The following POC5 variants were observed in gnomAD, a reference collection of about 807,000 sequenced individuals.
POC5 encodes the protein POC5 centriolar protein, also known as centrosomal protein POC5.
In POC5, 48 loss-of-function variants were observed where a neutral mutation model predicts 62.9. The observed-to-expected ratio is 0.76, with a 90% CI of 0.61 to 0.97. The LOEUF is 0.97. Ranked by LOEUF, POC5 falls within the 50% of genes least tolerant of loss-of-function variation. POC5 has a pLI of 0.00. For missense variants in POC5, 696 were observed against 679.5 expected (o/e 1.02, Z -0.27); for synonymous variants, 236 against 228.2 (o/e 1.03, Z -0.31).
intron 5 of POC5, among the ~76,000 whole-genome samples, chr5:75,698,415 A>T (rs1358128173): frequency 6.6e-6 from 1 of 152,142 alleles, no homozygotes; most frequent in South Asian, 2.1e-4. Context: ...TAAGAATCTC[A>T]CTCAAAACCG....
Position 75,676,460 on chromosome 5 carries a change from A to G in POC5, c.1584+1314T>C, listed in dbSNP as rs769266925. Among the ~76,000 whole-genome samples the G allele has an allele frequency of 1.4e-4, 21 of 152,088 alleles. No individual in the cohort carries two copies. In the Middle Eastern group the frequency reaches 0.01, roughly 74 times the overall value. ...TTGGTGCTTCTATCTCCAGCCTTCC[A>G]CCTCGCTAAGGTCCCACTTCACCTG... On this transcript the variant is annotated intron_variant, in intron 11 of 11. Coordinates refer to ENST00000428202, the MANE Select transcript of POC5 (RefSeq NM_001099271.2).
chr5:75,684,568 G>A (rs1776017457), intron 10 of POC5, among the ~76,000 whole-genome samples: 1 of 151,934 alleles, frequency 6.6e-6, no homozygotes, highest in Admixed American at 6.5e-5. Context: ...GTTTCACCAT[G>A]GCCAGGCTGG....
At chr5:75,687,119 C>T (rs1776126521) in intron 9 of POC5, among the ~76,000 whole-genome samples, 1 of 152,108 alleles carries the variant, frequency 6.6e-6, no homozygotes, top group Non-Finnish European at 1.5e-5. Context: ...CAACCTCTGC[C>T]TCCTGGGTTC....
chr5:75,678,077 A>G (rs994404604), intron 10 of POC5, 127 bp from the exon 11 acceptor site: 3 of 720,868 alleles, frequency 4.2e-6, no homozygotes, highest in Non-Finnish European at 5.9e-6. Flanking sequence ...CAACTTTAAC[A>G]TGGAAAAAAC....
chr5:75,686,725 A>G (rs940084122), intron 9 of POC5, among the ~76,000 whole-genome samples: 5 of 152,184 alleles, frequency 3.3e-5, no homozygotes, highest in African/African-American at 1.2e-4. Context: ...CTGATATCAG[A>G]TAACTCTTAA....
chr5:75,712,211 C>T (rs549719966), intron 2 of POC5: 3 of 881,428 alleles, frequency 3.4e-6, no homozygotes. Context: ...CAGCCTTTCC[C>T]CTTGAGTAAT....
chr5:75,677,958 G>GA lies in POC5; in HGVS notation c.1408-9dup, dbSNP rs752262584. Reference sequence around the variant, plus strand: ...TACAACTCTTGGCACATACTAAGAAGAAAAAAAAATAAAAGAAGTAACAAG... The same window carrying GA: ...TACAACTCTTGGCACATACTAAGAAGAAAAAAAAAATAAAAGAAGTAACAAG... On this transcript the variant is annotated splice_polypyrimidine_tract_variant and intron_variant, in intron 10 of 11. Transcript: ENST00000428202. 6.1e-4 allele frequency: 891 copies of GA among 1,453,086 alleles called. No individual in the cohort carries two copies. Among genetic ancestry groups the GA allele is most frequent in the Admixed American group, 4.9e-3 (198 of 40,582 alleles). 90.0% of individuals were successfully genotyped at this position (1,453,086 alleles called of 1,614,324 possible).
rs199599245 is a variant in POC5, at chr5:75,698,745, C to T, written c.513+3860G>A. Reference sequence around the variant, plus strand: ...AGCAGAACTGAAGGAAATAGAGACACAAAAAACCCTTCAAAAAATTAATGA... The same window carrying T: ...AGCAGAACTGAAGGAAATAGAGACATAAAAAACCCTTCAAAAAATTAATGA... On this transcript the variant is annotated intron_variant, in intron 5 of 11. Transcript: ENST00000428202. Among the ~76,000 whole-genome samples, 1,101 of 151,758 alleles carry T rather than the reference C, an allele frequency of 7.3e-3. 14 individuals are homozygous for T. The highest frequency in any genetic ancestry group is 0.024 in the East Asian group (123 of 5,142).
chr5:75,696,473 A>G (rs1304283304), intron 5 of POC5, among the ~76,000 whole-genome samples: 1 of 152,070 alleles, frequency 6.6e-6, no homozygotes, highest in Non-Finnish European at 1.5e-5. Flanking sequence ...ACGGCCGGGT[A>G]CTCCAACAGA....
intron 11 of POC5, 196 bp downstream of exon 11, chr5:75,677,578 A>G (rs1245752693): frequency 2.8e-6 from 1 of 353,322 alleles, no homozygotes; most frequent in Non-Finnish European, 5.0e-6. Context: ...CAACAGCAGA[A>G]ACGTAGATTT....
At chr5:75,695,151 A>T (rs1427162728) in intron 5 of POC5, among the ~76,000 whole-genome samples, 1 of 152,224 alleles carries the variant, frequency 6.6e-6, no homozygotes, top group Non-Finnish European at 1.5e-5. Context: ...CCATATGAAG[A>T]TGGATCAGGA....
chr5:75,709,519 T>C (rs1777257867), intron 2 of POC5: 1 of 152,178 alleles, frequency 6.6e-6, no homozygotes, highest in South Asian at 2.1e-4. Flanking sequence ...TTTCACAAAT[T>C]TGCATGTCCT....
chr5:75,702,260 C>T (rs529098333), intron 5 of POC5, among the ~76,000 whole-genome samples: 51 of 152,186 alleles, frequency 3.4e-4, no homozygotes, highest in African/African-American at 1.2e-3. Flanking sequence ...AGCAAACCAC[C>T]ATGGCACATG....
chr5:75,707,264 C>T (rs1290984367), intron 3 of POC5, among the ~76,000 whole-genome samples: 2 of 152,174 alleles, frequency 1.3e-5, no homozygotes, highest in Non-Finnish European at 2.9e-5. Context: ...TGACATGGTC[C>T]ACAGATGGGT....
At chr5:75,688,583 A>G (rs67803720) in intron 9 of POC5, among the ~76,000 whole-genome samples, 95 of 152,184 alleles carry the variant, frequency 6.2e-4, no homozygotes, top group African/African-American at 2.1e-3. Flanking sequence ...TTTCATAAAC[A>G]GGAAGATTAG....
chr5:75,705,538 T>C, intron 4 of POC5, 166 bp downstream of exon 4: 2 of 517,880 alleles, frequency 3.9e-6, no homozygotes, highest in Admixed American at 3.7e-5. Context: ...TATTTTGGTA[T>C]CTTATCAAAT....
intron 11 of POC5, among the ~76,000 whole-genome samples, chr5:75,676,626 G>A (rs962377216): frequency 2.0e-5 from 3 of 152,020 alleles, no homozygotes; most frequent in African/African-American, 7.2e-5. Flanking sequence ...GTTGTCCGAT[G>A]CTGAGAATTT....
chr5:75,677,874 T>C lies in POC5; in HGVS notation c.1484A>G (p.Asp495Gly), dbSNP rs1377860533. The stretch of plus-strand genomic sequence containing the variant: ...GCTAATTCTATTTTTTGAAGCAAAA[T>C]CACATCTTCCTGTGATCCGGGCTGT... ...TITARITGRC[D>G]FASKNRISSS... The change falls in exon 11 of 12, where the codon GAT becomes GGT. Residue 495 changes from aspartate to glycine, a missense_variant. Asp to Gly is a moderately conservative substitution (Grantham distance 94). Transcript: ENST00000428202. The C allele has an allele frequency of 6.2e-7, 1 of 1,611,518 alleles. No homozygotes were observed. The highest frequency in any genetic ancestry group is 1.3e-5 in the African/African-American group (1 of 74,750).
At position 75,677,738 on chromosome 5, in the gene POC5, GA is replaced by G. The variant is rs1346904415; in HGVS notation, c.1584+35del. 2.7e-6 allele frequency: 4 copies of G among 1,497,930 alleles called. No homozygotes were observed. The African/African-American group carries it at 5.7e-5, about 21-fold the overall frequency. 92.8% of individuals were successfully genotyped at this position (1,497,930 alleles called of 1,614,324 possible). A position where few individuals can be genotyped will look rare whatever the true frequency, so the allele number is the denominator to read the frequency against. ...CTAGTCTATGAACTCTCAGGAAAAAGACTTTTTGACAAAAGGTCATCAAATG... is the reference window on the plus strand; with the variant it reads ...CTAGTCTATGAACTCTCAGGAAAAAGCTTTTTGACAAAAGGTCATCAAATG... On this transcript the variant is annotated intron_variant, in intron 11 of 11. Transcript: ENST00000428202.
Sources: allele counts gnomAD v4.1 joint callset (sites outside exome capture counted in the v4.1 genomes callset), GRCh38; gene constraint gnomAD v4.1.1; transcripts MANE v1.5; gene names NCBI Gene and HGNC (gene_info 2026-07-23, HGNC 2026-07-21).